The following DSE variants were observed in gnomAD, a reference collection of about 807,000 sequenced individuals.
The protein encoded by DSE is dermatan sulfate epimerase, also known as dermatan-sulfate epimerase.
In DSE, 36 loss-of-function variants were observed where a neutral mutation model predicts 84.4. The ratio of observed to expected loss-of-function variants is 0.43; its 90% CI spans 0.33 to 0.56. DSE has a LOEUF of 0.56. Ranked by LOEUF, DSE falls within the 20% of genes least tolerant of loss-of-function variation. The pLI, the probability that DSE is intolerant of heterozygous loss-of-function variation, is 0.06. For missense variants in DSE, 862 were observed against 1,169.6 expected (o/e 0.74, Z 3.84); for synonymous variants, 410 against 430.1 (o/e 0.95, Z 0.58).
chr6:116,263,493 T>G (rs565873520), intron 2 of DSE, among the ~76,000 whole-genome samples: 3 of 152,346 alleles, frequency 2.0e-5, no homozygotes, highest in African/African-American at 7.2e-5. Context: ...AGCCTATATA[T>G]GTCATTGCAT....
At chr6:116,289,542 A>G (rs377530722) in intron 2 of DSE, among the ~76,000 whole-genome samples, 1 of 152,036 alleles carries the variant, frequency 6.6e-6, no homozygotes, top group Non-Finnish European at 1.5e-5. Flanking sequence ...CTCATGTATC[A>G]TACAAAAATA....
intron 2 of DSE, among the ~76,000 whole-genome samples, chr6:116,291,944 A>G (rs1774305630): frequency 6.6e-6 from 1 of 152,170 alleles, no homozygotes. Flanking sequence ...GAATACAGGA[A>G]GAAGATCGGG....
At chr6:116,315,876 G>C (rs1775944251) in intron 2 of DSE, among the ~76,000 whole-genome samples, 1 of 152,124 alleles carries the variant, frequency 6.6e-6, no homozygotes, top group Non-Finnish European at 1.5e-5. Flanking sequence ...TGTAATCCCA[G>C]CTACTCAGGA....
At chr6:116,269,446 T>G (rs117168271) in intron 2 of DSE, among the ~76,000 whole-genome samples, 258 of 152,276 alleles carry the variant, frequency 1.7e-3, no homozygotes, top group Non-Finnish European at 2.9e-3. Flanking sequence ...AAACTGTAAT[T>G]GTATAAAAGT....
chr6:116,262,204 C>A (rs1772441318), intron 2 of DSE, among the ~76,000 whole-genome samples: 1 of 152,082 alleles, frequency 6.6e-6, no homozygotes, highest in Non-Finnish European at 1.5e-5. Context: ...TGGTAGAATT[C>A]AGCTGTAAAT....
rs557612677 is a variant in DSE, at chr6:116,349,969, C to T, written c.-53-49229C>T. On this transcript the variant is annotated intron_variant, in intron 2 of 3. Transcript: ENST00000430252. Reference sequence around the variant, plus strand: ...CTTGGCCATAACCAAAAGCTCACCACTTACTACCTTTAAAAGAATCACTTA... The same window carrying T: ...CTTGGCCATAACCAAAAGCTCACCATTTACTACCTTTAAAAGAATCACTTA... Among the ~76,000 whole-genome samples, 5 of 152,292 alleles carry T rather than the reference C, an allele frequency of 3.3e-5. No homozygotes were observed. In the South Asian group the frequency reaches 1.0e-3, roughly 32 times the overall value.
At chr6:116,393,235 G>C (rs551884642) in intron 1 of DSE, among the ~76,000 whole-genome samples, 1 of 152,046 alleles carries the variant, frequency 6.6e-6, no homozygotes, top group Non-Finnish European at 1.5e-5. Context: ...TTTCTTTGGG[G>C]CAAAACCTCT....
intron 2 of DSE, among the ~76,000 whole-genome samples, chr6:116,342,056 T>G (rs1375042438): frequency 1.3e-5 from 2 of 152,204 alleles, no homozygotes; most frequent in African/African-American, 4.8e-5. Flanking sequence ...AAATAGCTGC[T>G]TTTAAAAATA....
intron 2 of DSE, among the ~76,000 whole-genome samples, chr6:116,295,717 A>G (rs1034473728): frequency 6.6e-6 from 1 of 152,198 alleles, no homozygotes; most frequent in African/African-American, 2.4e-5. Context: ...CTTAATTTAT[A>G]GTTTAAGTAG....
chr6:116,384,742 A>G (rs949151573), intron 1 of DSE, among the ~76,000 whole-genome samples: 1 of 152,176 alleles, frequency 6.6e-6, no homozygotes, highest in Non-Finnish European at 1.5e-5. Flanking sequence ...TCCAACTAAT[A>G]TATATTTTTT....
intron 3 of DSE, among the ~76,000 whole-genome samples, chr6:116,430,546 C>CTT (rs923301908): frequency 6.8e-6 from 1 of 147,068 alleles, no homozygotes. Flanking sequence ...GAGTCAATAA[C>CTT]TTTTTTTTTT....
chr6:116,393,982 GCTTT>G (rs1376922940), intron 1 of DSE, among the ~76,000 whole-genome samples: 1 of 152,032 alleles, frequency 6.6e-6, no homozygotes, highest in Non-Finnish European at 1.5e-5. Flanking sequence ...ATTCTTCTGT[GCTTT>G]CTTTGTGTAA....
chr6:116,335,552 TCTC>T (rs1777195699), intron 2 of DSE, among the ~76,000 whole-genome samples: 2 of 152,222 alleles, frequency 1.3e-5, no homozygotes, highest in Non-Finnish European at 2.9e-5. Context: ...GATATTTTCT[TCTC>T]CTTTGTTTGA....
chr6:116,270,674 T>C (rs1772841630), intron 2 of DSE, among the ~76,000 whole-genome samples: 1 of 152,198 alleles, frequency 6.6e-6, no homozygotes, highest in Non-Finnish European at 1.5e-5. Context: ...CCTTCTATTG[T>C]TTAACATAAA....
rs192968380 is a variant in DSE, at chr6:116,274,300, G to A, written c.-54+15333G>A. ...CATTTGGCCGGGCACAGTGGCTCAC[G>A]CCTGTAATCCCAGCATTTTGGGAGG... On this transcript the variant is annotated intron_variant, in intron 2 of 3. Coordinates refer to the DSE transcript ENST00000430252. Among the ~76,000 whole-genome samples, 719 of 152,088 alleles carry A rather than the reference G, an allele frequency of 4.7e-3. 2 individuals are homozygous for A. The highest frequency in any genetic ancestry group is 0.014 in the Middle Eastern group (4 of 294).
chr6:116,407,250 G>A (rs9398432), intron 2 of DSE, among the ~76,000 whole-genome samples: 104,623 of 152,070 alleles, frequency 0.69, 36,375 homozygotes, highest in Admixed American at 0.75. Flanking sequence ...GTAAGGGAGA[G>A]GGAGGCATAA....
intron 1 of DSE, among the ~76,000 whole-genome samples, chr6:116,392,205 AGTATAT>A (rs1235022499): frequency 6.6e-6 from 1 of 152,198 alleles, no homozygotes; most frequent in East Asian, 1.9e-4. Context: ...AGCCCTGTCT[AGTATAT>A]CCTAATGCTC....
intron 2 of DSE, among the ~76,000 whole-genome samples, chr6:116,275,349 C>T (rs2114623116): frequency 6.6e-6 from 1 of 152,326 alleles, no homozygotes; most frequent in East Asian, 1.9e-4. Flanking sequence ...TTTCTAATGA[C>T]TAAAAGGGGA....
chr6:116,407,954 T>A (rs1782041502), intron 2 of DSE, among the ~76,000 whole-genome samples: 1 of 152,204 alleles, frequency 6.6e-6, no homozygotes, highest in African/African-American at 2.4e-5. Context: ...TGGGCAGTAA[T>A]GAGTTTGCAG....
Sources: allele counts gnomAD v4.1 joint callset (sites outside exome capture counted in the v4.1 genomes callset), GRCh38; gene constraint gnomAD v4.1.1; transcripts MANE v1.5; gene names NCBI Gene and HGNC (gene_info 2026-07-23, HGNC 2026-07-21).